SNX29: variants seen among roughly 807,000 people sequenced by gnomAD.
The protein encoded by SNX29 is sorting nexin 29, also known as sorting nexin-29.
In SNX29, 78 loss-of-function variants were observed where a neutral mutation model predicts 102.1. The observed-to-expected ratio is 0.76, with a 90% CI of 0.64 to 0.92. The LOEUF (loss-of-function observed/expected upper bound fraction) is 0.92, where lower values mean the gene tolerates loss of function less well. Ranked by LOEUF, SNX29 falls within the 40% of genes least tolerant of loss-of-function variation. The pLI is 0.00. For missense variants in SNX29, 1,280 were observed against 1,061.7 expected (o/e 1.21, Z -2.86); for synonymous variants, 580 against 414.5 (o/e 1.40, Z -4.85).
At chr16:12,493,142 T>C (rs528760259) in intron 19 of SNX29, among the ~76,000 whole-genome samples, 1 of 152,258 alleles carries the variant, frequency 6.6e-6, no homozygotes, top group Non-Finnish European at 1.5e-5. Context: ...GTTTTCATGA[T>C]ACTGATTCTT....
Position 12,467,474 on chromosome 16 carries a change from C to G in SNX29, c.2038-10245C>G, listed in dbSNP as rs201952861. 4.6e-5 allele frequency among the ~76,000 whole-genome samples: 7 copies of G among 152,198 alleles called. No homozygotes were observed. The East Asian group carries it at 1.2e-3, about 25-fold the overall frequency. On this transcript the variant is annotated intron_variant, in intron 18 of 20. Coordinates refer to ENST00000566228, the MANE Select transcript of SNX29 (RefSeq NM_032167.5). ...TATCCATCAGGCACATGCACAGACA[C>G]ACGGGTGACTTCCTGCTTCTGTGGG...
At chr16:12,234,930 A>G (rs1484253402) in intron 14 of SNX29, among the ~76,000 whole-genome samples, 3 of 151,450 alleles carry the variant, frequency 2.0e-5, no homozygotes, top group East Asian at 3.9e-4. Flanking sequence ...CTTTGCCTTT[A>G]TGTTTCTCTC....
intron 11 of SNX29, among the ~76,000 whole-genome samples, chr16:12,086,146 G>A (rs2052168155): frequency 6.6e-6 from 1 of 152,036 alleles, no homozygotes; most frequent in East Asian, 1.9e-4. Context: ...TGGGACTACA[G>A]GCGCCCGCCA....
At chr16:12,499,814 C>G (rs961491882) in intron 19 of SNX29, among the ~76,000 whole-genome samples, 19 of 152,008 alleles carry the variant, frequency 1.2e-4, no homozygotes, top group African/African-American at 4.6e-4. Flanking sequence ...TACCTGGGGC[C>G]ACAGTTACGC....
At chr16:12,254,862 C>A (rs925510553) in intron 14 of SNX29, among the ~76,000 whole-genome samples, 4 of 152,066 alleles carry the variant, frequency 2.6e-5, no homozygotes, top group Admixed American at 6.5e-5. Flanking sequence ...GGGGTGAGAG[C>A]CTGAGTTGCA....
chr16:12,567,417 G>C (rs1005633558), intron 20 of SNX29, among the ~76,000 whole-genome samples: 1 of 152,216 alleles, frequency 6.6e-6, no homozygotes, highest in African/African-American at 2.4e-5. Context: ...ATAGCGTATA[G>C]TAGGCAGAGT....
intron 20 of SNX29, among the ~76,000 whole-genome samples, chr16:12,536,748 C>T (rs1251315472): frequency 6.6e-6 from 1 of 152,156 alleles, no homozygotes; most frequent in Non-Finnish European, 1.5e-5. Context: ...GAGGTCAAGG[C>T]AGGCGGATCA....
At chr16:11,999,776 C>G (rs1330642586) in intron 2 of SNX29, among the ~76,000 whole-genome samples, 1 of 152,012 alleles carries the variant, frequency 6.6e-6, no homozygotes, top group African/African-American at 2.4e-5. Context: ...TGGCAGGCAC[C>G]TGTAATCCCA....
intron 19 of SNX29, among the ~76,000 whole-genome samples, chr16:12,487,831 C>G (rs1201490977): frequency 2.0e-5 from 3 of 152,180 alleles, no homozygotes; most frequent in African/African-American, 7.2e-5. Context: ...TCTCATTTGA[C>G]ACTCTGCCAA....
At chr16:12,464,298 G>C (rs1334257122) in intron 18 of SNX29, among the ~76,000 whole-genome samples, 2 of 151,420 alleles carry the variant, frequency 1.3e-5, no homozygotes, top group East Asian at 3.9e-4. Flanking sequence ...TAAATATATA[G>C]ACACACCACA....
intron 14 of SNX29, among the ~76,000 whole-genome samples, chr16:12,205,731 A>G (rs1383000766): frequency 6.6e-6 from 1 of 152,072 alleles, no homozygotes; most frequent in African/African-American, 2.4e-5. Context: ...TCATCACAGC[A>G]CTTATCAGGC....
At chr16:12,230,035 T>A (rs2077724415) in intron 14 of SNX29, among the ~76,000 whole-genome samples, 1 of 152,260 alleles carries the variant, frequency 6.6e-6, no homozygotes, top group South Asian at 2.1e-4. Flanking sequence ...AGACATTGTG[T>A]AGATGAGTGG....
intron 15 of SNX29, among the ~76,000 whole-genome samples, chr16:12,330,063 A>G (rs974596558): frequency 6.6e-6 from 1 of 152,172 alleles, no homozygotes; most frequent in African/African-American, 2.4e-5. Context: ...GATAATGAAG[A>G]CCCATTGCAG....
Position 12,403,443 on chromosome 16 carries a change from G to A in SNX29, c.1956-5G>A, listed in dbSNP as rs569606419. On this transcript the variant is annotated splice_region_variant and splice_polypyrimidine_tract_variant and intron_variant, in intron 17 of 20. Coordinates refer to ENST00000566228, the MANE Select transcript of SNX29 (RefSeq NM_032167.5). ...TGTTGGTCTCTCTCTCTTCCTTTTGGTTAGATCAAACCGGGCGCTGATCAA... is the reference window on the plus strand; with the variant it reads ...TGTTGGTCTCTCTCTCTTCCTTTTGATTAGATCAAACCGGGCGCTGATCAA... 3 of 1,602,380 alleles carry A rather than the reference G, an allele frequency of 1.9e-6. No individual in the cohort carries two copies. In the East Asian group the frequency reaches 6.7e-5, roughly 36 times the overall value.
At chr16:12,092,097 G>A (rs1043201719) in intron 11 of SNX29, among the ~76,000 whole-genome samples, 4 of 152,166 alleles carry the variant, frequency 2.6e-5, no homozygotes, top group African/African-American at 9.7e-5. Flanking sequence ...CCCAAGTGCA[G>A]CACTTCCCTG....
At chr16:12,305,330 T>G (rs1338778404) in intron 15 of SNX29, among the ~76,000 whole-genome samples, 1 of 152,180 alleles carries the variant, frequency 6.6e-6, no homozygotes, top group Non-Finnish European at 1.5e-5. Context: ...CGGAGTGGTA[T>G]CAGGACTGGA....
At chr16:12,353,150 C>T (rs1250722528) in intron 15 of SNX29, among the ~76,000 whole-genome samples, 1 of 152,116 alleles carries the variant, frequency 6.6e-6, no homozygotes, top group Non-Finnish European at 1.5e-5. Context: ...AACTGTGTGG[C>T]TCTCCTTTCT....
At chr16:12,326,646 C>G (rs576715933) in intron 15 of SNX29, among the ~76,000 whole-genome samples, 1 of 152,250 alleles carries the variant, frequency 6.6e-6, no homozygotes, top group East Asian at 1.9e-4. Flanking sequence ...ACTTGCTGGC[C>G]CCTGTGTGGA....
intron 20 of SNX29, among the ~76,000 whole-genome samples, chr16:12,542,065 A>T (rs917783873): frequency 2.6e-5 from 4 of 151,810 alleles, no homozygotes; most frequent in Non-Finnish European, 5.9e-5. Flanking sequence ...ATTCCTAGTC[A>T]CCAGTTAGTC....
Sources: allele counts gnomAD v4.1 joint callset (sites outside exome capture counted in the v4.1 genomes callset), GRCh38; gene constraint gnomAD v4.1.1; transcripts MANE v1.5; gene names NCBI Gene and HGNC (gene_info 2026-07-23, HGNC 2026-07-21).